Variants in SNTB1 observed in about 807,000 individuals in gnomAD.
The protein encoded by SNTB1 is syntrophin beta 1, also known as beta-1-syntrophin.
Under a neutral mutation model 48.9 loss-of-function variants are expected in SNTB1, and 36 were observed. The observed-to-expected ratio is 0.74, with a 90% confidence interval of 0.56 to 0.97. The LOEUF (loss-of-function observed/expected upper bound fraction) is 0.97, where lower values mean the gene tolerates loss of function less well. Ranked by LOEUF, SNTB1 falls within the 50% of genes least tolerant of loss-of-function variation. The pLI, the probability that SNTB1 is intolerant of heterozygous loss-of-function variation, is 0.00. For missense variants in SNTB1, 786 were observed against 703.4 expected, an observed-to-expected ratio of 1.12 and a Z score of -1.33; for synonymous variants, 299 against 294.6, an observed-to-expected ratio of 1.01 and a Z score of -0.15.
At chr8:120,674,895 G>A (rs950283710) in intron 2 of SNTB1, among the ~76,000 whole-genome samples, 2 of 152,132 alleles carry the variant, frequency 1.3e-5, no homozygotes, top group Non-Finnish European at 2.9e-5. Flanking sequence ...AAGGCAGAAG[G>A]AATGTCACAA....
chr8:120,772,502 C>T (rs988808135), intron 1 of SNTB1, among the ~76,000 whole-genome samples: 1 of 152,176 alleles, frequency 6.6e-6, no homozygotes, highest in Non-Finnish European at 1.5e-5. Flanking sequence ...CCACCTAGGC[C>T]TCCAAAAGTG....
At chr8:120,669,378 T>C (rs1817722788) in intron 2 of SNTB1, among the ~76,000 whole-genome samples, 1 of 152,174 alleles carries the variant, frequency 6.6e-6, no homozygotes, top group Non-Finnish European at 1.5e-5. Context: ...AAAAAGGACA[T>C]TCAACTAAAG....
chr8:120,592,380 G>A (rs1194917379), intron 3 of SNTB1, among the ~76,000 whole-genome samples: 1 of 151,682 alleles, frequency 6.6e-6, no homozygotes, highest in South Asian at 2.1e-4. Flanking sequence ...GTAGAGTGAA[G>A]CTGTTGCTAC....
chr8:120,644,924 C>T (rs1817260638), intron 2 of SNTB1, among the ~76,000 whole-genome samples: 2 of 152,104 alleles, frequency 1.3e-5, no homozygotes, highest in Admixed American at 6.6e-5. Context: ...TGATGATGAG[C>T]ATTTTTTCAT....
At chr8:120,665,538 G>A (rs761204410) in intron 2 of SNTB1, among the ~76,000 whole-genome samples, 1 of 151,976 alleles carries the variant, frequency 6.6e-6, no homozygotes, top group Non-Finnish European at 1.5e-5. Context: ...CCAATCTTTG[G>A]CTTGTGTTTT....
At chr8:120,662,196 T>TA (rs1469529669) in intron 2 of SNTB1, among the ~76,000 whole-genome samples, 1 of 152,210 alleles carries the variant, frequency 6.6e-6, no homozygotes, top group Non-Finnish European at 1.5e-5. Context: ...AATTGCTATT[T>TA]AAAAAAATCT....
At chr8:120,553,516 C>T (rs1815516573) in intron 4 of SNTB1, among the ~76,000 whole-genome samples, 1 of 152,154 alleles carries the variant, frequency 6.6e-6, no homozygotes, top group African/African-American at 2.4e-5. Flanking sequence ...TGCATGTCCT[C>T]TGGATACAGC....
In SNTB1 at chr8:120,811,565, G is replaced by C; in HGVS notation, c.279C>G (p.Thr93=). Residue 93 remains threonine, a synonymous_variant, in exon 1 of 7, where the codon ACC becomes ACG. Transcript: ENST00000517992. ...QPPDSPAGVR[T]AFTDLPEQVP... ...CCTGCTCGGGCAGGTCGGTGAAAGC[G>C]GTGCGGACCCCGGCGGGCGAGTCCG... 1 of 1,580,412 alleles carries C rather than the reference G, an allele frequency of 6.3e-7. No individual in the cohort carries two copies. The highest frequency in any genetic ancestry group is 1.4e-5 in the African/African-American group (1 of 74,018).
intron 1 of SNTB1, among the ~76,000 whole-genome samples, chr8:120,772,871 G>T (rs1445625768): frequency 2.0e-5 from 3 of 152,092 alleles, no homozygotes; most frequent in Non-Finnish European, 4.4e-5. Flanking sequence ...GGGGAAAAAA[G>T]ATGCTGCCAT....
intron 3 of SNTB1, among the ~76,000 whole-genome samples, chr8:120,618,308 ACT>A (rs1816746807): frequency 6.6e-6 from 1 of 152,182 alleles, no homozygotes; most frequent in African/African-American, 2.4e-5. Flanking sequence ...TCTCCAGCTT[ACT>A]GCCTCACCTA....
chr8:120,598,699 G>A (rs1816367484), intron 3 of SNTB1, among the ~76,000 whole-genome samples: 1 of 152,182 alleles, frequency 6.6e-6, no homozygotes, highest in South Asian at 2.1e-4. Context: ...GAGGCCAAAA[G>A]TCTGAAATTC....
At position 120,554,106 on chromosome 8, in the gene SNTB1, G is replaced by A. The variant is rs139504595; in HGVS notation, c.1137-5148C>T. 1.1e-3 allele frequency among the ~76,000 whole-genome samples: 168 copies of A among 152,246 alleles called. 1 individual carries two copies. Among genetic ancestry groups the A allele is most frequent in the African/African-American group, 3.7e-3 (155 of 41,536 alleles). ...TTAGTGAGAAAAGAAATCGATTCCC[G>A]GGGAGGTCCACTGCCTGTGTGGAGT... On this transcript the variant is annotated intron_variant, in intron 4 of 6. Transcript: ENST00000517992.
At chr8:120,614,331 C>T (rs1816672810) in intron 3 of SNTB1, among the ~76,000 whole-genome samples, 1 of 152,202 alleles carries the variant, frequency 6.6e-6, no homozygotes, top group Non-Finnish European at 1.5e-5. Flanking sequence ...CCAGTTCAAC[C>T]AATCTGTCTT....
intron 3 of SNTB1, among the ~76,000 whole-genome samples, chr8:120,582,192 T>C (rs1282944936): frequency 2.0e-5 from 3 of 152,208 alleles, no homozygotes; most frequent in African/African-American, 7.2e-5. Flanking sequence ...TGTATGTTCT[T>C]TGACCAAAAT....
chr8:120,548,586 C>T (rs888528516), intron 5 of SNTB1, among the ~76,000 whole-genome samples, 176 bp downstream of exon 5: 3 of 152,088 alleles, frequency 2.0e-5, no homozygotes, highest in African/African-American at 7.2e-5. Context: ...TAATCAAAGC[C>T]TTAGGTTACA....
intron 1 of SNTB1, among the ~76,000 whole-genome samples, chr8:120,798,695 T>A (rs1053034023): frequency 5.3e-5 from 8 of 152,076 alleles, no homozygotes; most frequent in African/African-American, 1.9e-4. Flanking sequence ...AAATCTGGTA[T>A]AGGTGGCCCA....
intron 1 of SNTB1, among the ~76,000 whole-genome samples, chr8:120,774,980 G>A (rs1446861612): frequency 6.6e-6 from 1 of 152,146 alleles, no homozygotes; most frequent in Admixed American, 6.5e-5. Flanking sequence ...AGGGGAAAAT[G>A]TTAAGTTCGG....
intron 2 of SNTB1, among the ~76,000 whole-genome samples, chr8:120,652,852 A>C (rs1308024375): frequency 6.6e-6 from 1 of 152,252 alleles, no homozygotes; most frequent in Non-Finnish European, 1.5e-5. Flanking sequence ...AAACTACATT[A>C]GTGAACATAA....
intron 1 of SNTB1, among the ~76,000 whole-genome samples, chr8:120,711,224 A>T (rs1203626925): frequency 6.6e-6 from 1 of 152,224 alleles, no homozygotes; most frequent in Non-Finnish European, 1.5e-5. Flanking sequence ...TGATATGGTT[A>T]ACTGAATCTA....
Sources: gnomAD v4.1 joint callset for allele counts (sites outside exome capture counted in the v4.1 genomes callset) on GRCh38, gnomAD v4.1.1 for gene constraint, MANE v1.5 for transcripts, NCBI Gene and HGNC (gene_info 2026-07-23, HGNC 2026-07-21) for gene names.